DIP2C: variants seen among roughly 807,000 people sequenced by gnomAD.
DIP2C encodes the protein disco-interacting protein 2 homolog C.
In DIP2C, 33 loss-of-function variants were observed where a neutral mutation model predicts 192.4. That is an observed-to-expected ratio of 0.17 (90% confidence interval 0.13 to 0.23). The LOEUF is 0.23. DIP2C is among the 10% of genes least tolerant of loss of function. The probability of loss-of-function intolerance (pLI) is 1.00; values close to 1 mark genes in which losing one functional copy is unlikely to be tolerated. For synonymous variants in DIP2C, 979 were observed against 864.1 expected, an observed-to-expected ratio of 1.13 and a Z score of -2.33; for missense variants, 1,537 against 2,110.1, an observed-to-expected ratio of 0.73 and a Z score of 5.32.
Position 619,032 on chromosome 10 carries a change from GAAAT to G in DIP2C, c.85+70458_85+70461del, listed in dbSNP as rs1285933746. On this transcript the variant is annotated intron_variant, in intron 1 of 36. Transcript: ENST00000280886. ...TCTGACTGTGGCCTGCTTCCCATAA[GAAAT>G]AAAATCAGAATTCTAGTCGCTGTCT... 2.6e-5 allele frequency among the ~76,000 whole-genome samples: 4 copies of G among 152,322 alleles called. No homozygotes were observed. The East Asian group carries it at 7.7e-4, about 29-fold the overall frequency.
intron 2 of DIP2C, among the ~76,000 whole-genome samples, chr10:474,882 T>C (rs1326391266): frequency 6.6e-6 from 1 of 152,200 alleles, no homozygotes; most frequent in Non-Finnish European, 1.5e-5. Flanking sequence ...AATCTTTTAT[T>C]CATTCCCACT....
At chr10:371,011 C>T (rs1331195904) in intron 17 of DIP2C, among the ~76,000 whole-genome samples, 26 of 152,134 alleles carry the variant, frequency 1.7e-4, no homozygotes. Flanking sequence ...TAAGAAAACC[C>T]ACACGGAACT....
intron 1 of DIP2C, among the ~76,000 whole-genome samples, chr10:552,605 C>T (rs1848645267): frequency 1.3e-5 from 2 of 152,346 alleles, no homozygotes; most frequent in African/African-American, 4.8e-5. Flanking sequence ...AATCCCAGCA[C>T]TTTGGGAGGC....
chr10:508,871 C>T (rs1038177926), intron 1 of DIP2C, among the ~76,000 whole-genome samples: 25 of 152,212 alleles, frequency 1.6e-4, no homozygotes, highest in Non-Finnish European at 3.1e-4. Context: ...CTCGAAAACA[C>T]GGCTGTTCCA....
At chr10:335,407 C>T (rs1401436265) in intron 29 of DIP2C, among the ~76,000 whole-genome samples, 3 of 152,218 alleles carry the variant, frequency 2.0e-5, no homozygotes, top group South Asian at 4.1e-4. Flanking sequence ...AAAACCAACG[C>T]ATTCCTCCTG....
intron 33 of DIP2C, among the ~76,000 whole-genome samples, chr10:286,877 G>A (rs572555751): frequency 4.5e-4 from 69 of 152,310 alleles, no homozygotes; most frequent in Non-Finnish European, 8.4e-4. Flanking sequence ...GCATGGACTC[G>A]AAGATAACCC....
At chr10:486,434 C>T in intron 2 of DIP2C, 25 bp downstream of exon 2, 1 of 1,575,720 alleles carries the variant, frequency 6.3e-7, no homozygotes, top group South Asian at 1.2e-5. Flanking sequence ...TGAGAGGACT[C>T]ATGCTACTCA....
intron 2 of DIP2C, among the ~76,000 whole-genome samples, chr10:478,468 C>T (rs1202309786): frequency 2.7e-5 from 4 of 150,608 alleles, no homozygotes; most frequent in African/African-American, 7.4e-5. Context: ...ATCTCATGTC[C>T]GGGCATGCCG....
At chr10:504,900 A>AGCT (rs1845485437) in intron 1 of DIP2C, among the ~76,000 whole-genome samples, 1 of 152,154 alleles carries the variant, frequency 6.6e-6, no homozygotes, top group South Asian at 2.1e-4. Context: ...AGAAGAGGTG[A>AGCT]GCTCTTCAAT....
intron 6 of DIP2C, among the ~76,000 whole-genome samples, chr10:418,250 TTCA>T: frequency 7.6e-6 from 1 of 130,994 alleles, no homozygotes; most frequent in Non-Finnish European, 1.6e-5. Context: ...GGCCTCCCTG[TTCA>T]CTGCACCTGT....
At chr10:550,024 T>TC (rs1554898443) in intron 1 of DIP2C, among the ~76,000 whole-genome samples, 72 of 148,554 alleles carry the variant, frequency 4.8e-4, no homozygotes, top group South Asian at 1.9e-3. Context: ...TTTTTTTTTT[T>TC]CTCTTAAGAC....
At chr10:579,217 C>T (rs1455609543) in intron 1 of DIP2C, among the ~76,000 whole-genome samples, 3 of 151,866 alleles carry the variant, frequency 2.0e-5, no homozygotes, top group South Asian at 2.1e-4. Flanking sequence ...TACACACATC[C>T]AGATCCATTT....
chr10:562,493 ATC>A (rs1849275735), intron 1 of DIP2C, among the ~76,000 whole-genome samples: 1 of 152,230 alleles, frequency 6.6e-6, no homozygotes, highest in African/African-American at 2.4e-5. Context: ...ACATTACAGA[ATC>A]TCTACGAAAT....
chr10:671,511 C>T, intron 1 of DIP2C, among the ~76,000 whole-genome samples: 1 of 107,902 alleles, frequency 9.3e-6, no homozygotes, highest in African/African-American at 3.8e-5. Flanking sequence ...AGGAAACAGG[C>T]CACAGACGCA....
At chr10:509,895 C>T (rs920680327) in intron 1 of DIP2C, among the ~76,000 whole-genome samples, 1 of 152,196 alleles carries the variant, frequency 6.6e-6, no homozygotes, top group African/African-American at 2.4e-5. Context: ...CTGTGGTGCT[C>T]ATCAGGCTAA....
At chr10:433,273 C>CA (rs1966909982) in intron 4 of DIP2C, among the ~76,000 whole-genome samples, 1 of 152,108 alleles carries the variant, frequency 6.6e-6, no homozygotes, top group Non-Finnish European at 1.5e-5. Context: ...CTTTCTTAGG[C>CA]AAAAATACAT....
At chr10:465,105 T>C (rs1188024279) in intron 3 of DIP2C, among the ~76,000 whole-genome samples, 1 of 122,770 alleles carries the variant, frequency 8.1e-6, no homozygotes, top group Non-Finnish European at 1.7e-5. Context: ...TTTAGACCAA[T>C]ATCCTTGATG....
At chr10:593,917 G>A (rs1049340187) in intron 1 of DIP2C, among the ~76,000 whole-genome samples, 1 of 151,586 alleles carries the variant, frequency 6.6e-6, no homozygotes, top group Non-Finnish European at 1.5e-5. Flanking sequence ...CCGAGTTAAA[G>A]GGCCTCTGAA....
intron 26 of DIP2C, among the ~76,000 whole-genome samples, chr10:345,636 T>C (rs1489497488): frequency 2.7e-5 from 3 of 111,740 alleles, no homozygotes; most frequent in Non-Finnish European, 5.3e-5. Context: ...ACATCGCGCA[T>C]AGTTCTCCCG....
Sources: gnomAD v4.1 joint callset for allele counts (sites outside exome capture counted in the v4.1 genomes callset) on GRCh38, gnomAD v4.1.1 for gene constraint, MANE v1.5 for transcripts, NCBI Gene and HGNC (gene_info 2026-07-23, HGNC 2026-07-21) for gene names.